Variants in ARB2A observed in about 807,000 individuals in gnomAD.
The protein encoded by ARB2A is cotranscriptional regulator ARB2A.
the ARB2A span, among the ~76,000 whole-genome samples, chr5:93,756,792 T>C: frequency 6.6e-6 from 1 of 152,024 alleles, no homozygotes; most frequent in African/African-American, 2.4e-5. Flanking sequence ...AAACCAACTC[T>C]GGTAATATGA....
the ARB2A span, among the ~76,000 whole-genome samples, chr5:93,868,435 A>G: frequency 6.6e-6 from 1 of 152,244 alleles, no homozygotes; most frequent in Admixed American, 6.5e-5. Context: ...TAATGTTTAC[A>G]TCCATTGATA....
the ARB2A span, among the ~76,000 whole-genome samples, chr5:93,816,229 A>C: frequency 6.6e-6 from 1 of 152,328 alleles, no homozygotes; most frequent in Non-Finnish European, 1.5e-5. Context: ...GAGGGCTTAC[A>C]ATGAATGATC....
the ARB2A span, among the ~76,000 whole-genome samples, chr5:93,994,774 C>T: frequency 3.3e-5 from 5 of 151,844 alleles, no homozygotes; most frequent in Admixed American, 3.3e-4. Context: ...GGTGTGGTGG[C>T]CCATGCCTGT....
the ARB2A span, among the ~76,000 whole-genome samples, chr5:93,938,257 C>G: frequency 6.6e-6 from 1 of 152,058 alleles, no homozygotes; most frequent in East Asian, 1.9e-4. Context: ...TTCAAATAAG[C>G]AAACTGCCTC....
At chr5:93,935,365 T>G in the ARB2A span, among the ~76,000 whole-genome samples, 4 of 152,150 alleles carry the variant, frequency 2.6e-5, no homozygotes, top group African/African-American at 7.2e-5. Context: ...AAGGGAATTT[T>G]GGGCAAACAG....
chr5:93,892,591 G>C, the ARB2A span, among the ~76,000 whole-genome samples: 4 of 151,882 alleles, frequency 2.6e-5, no homozygotes, highest in Admixed American at 6.6e-5. Context: ...CCTCTGGGGG[G>C]GGGAAAACCA....
At chr5:93,869,806 C>T in the ARB2A span, among the ~76,000 whole-genome samples, 1 of 152,156 alleles carries the variant, frequency 6.6e-6, no homozygotes, top group Non-Finnish European at 1.5e-5. Flanking sequence ...TTTGTGAGAT[C>T]CACCCCCTGC....
chr5:94,096,834 T>C, the ARB2A span, among the ~76,000 whole-genome samples: 1 of 152,266 alleles, frequency 6.6e-6, no homozygotes, highest in African/African-American at 2.4e-5. Flanking sequence ...AGGAGGAAGC[T>C]GGGAACTCAA....
the ARB2A span, among the ~76,000 whole-genome samples, chr5:93,800,919 A>G: frequency 3.4e-4 from 51 of 152,226 alleles, no homozygotes; most frequent in African/African-American, 1.2e-3. Flanking sequence ...AATCTTTAAT[A>G]TAGTTTTAAA....
At chr5:93,647,327 A>C in the ARB2A span, among the ~76,000 whole-genome samples, 1 of 152,058 alleles carries the variant, frequency 6.6e-6, no homozygotes, top group Non-Finnish European at 1.5e-5. Flanking sequence ...CCCGGGTTCA[A>C]GCAGTTCTCC....
the ARB2A span, among the ~76,000 whole-genome samples, chr5:93,711,509 C>T: frequency 6.6e-6 from 1 of 151,902 alleles, no homozygotes. Flanking sequence ...TGGGGATGTA[C>T]AAAAATGAAC....
the ARB2A span, among the ~76,000 whole-genome samples, chr5:93,621,479 T>C: frequency 1.3e-5 from 2 of 152,158 alleles, no homozygotes; most frequent in Non-Finnish European, 2.9e-5. Context: ...CCCGGGGTCG[T>C]CCGAGGCGCG....
At chr5:93,824,496 A>C in the ARB2A span, among the ~76,000 whole-genome samples, 1 of 152,190 alleles carries the variant, frequency 6.6e-6, no homozygotes, top group Non-Finnish European at 1.5e-5. Context: ...ATTAAAAAAA[A>C]CACTTTATTT....
At chr5:93,861,472 T>C in the ARB2A span, 1 of 152,242 alleles carries the variant, frequency 6.6e-6, no homozygotes, top group Non-Finnish European at 1.5e-5. Context: ...GCATAGTCCT[T>C]TATCATTGTT....
chr5:94,048,018 T>C, the ARB2A span, among the ~76,000 whole-genome samples: 4 of 149,978 alleles, frequency 2.7e-5, no homozygotes, highest in African/African-American at 9.8e-5. Flanking sequence ...TACCACCAGT[T>C]TGCAACATAT....
chr5:93,716,693 C>CAA, the ARB2A span, among the ~76,000 whole-genome samples: 3,053 of 36,502 alleles, frequency 0.084, 282 homozygotes, highest in African/African-American at 0.11. Flanking sequence ...ATAAGCTGTG[C>CAA]AAAAAAAAAA....
At chr5:93,707,919 A>G in the ARB2A span, among the ~76,000 whole-genome samples, 1 of 152,084 alleles carries the variant, frequency 6.6e-6, no homozygotes, top group East Asian at 1.9e-4. Flanking sequence ...TATTTGGAAG[A>G]CTTTTACTTT....
the ARB2A span, among the ~76,000 whole-genome samples, chr5:94,026,672 G>T: frequency 6.6e-6 from 1 of 152,318 alleles, no homozygotes; most frequent in Admixed American, 6.5e-5. Flanking sequence ...TCAGAGTAAA[G>T]TACGCCAAAT....
chr5:93,929,015 G>C, the ARB2A span, among the ~76,000 whole-genome samples: 2 of 150,470 alleles, frequency 1.3e-5, no homozygotes, highest in Non-Finnish European at 3.0e-5. Flanking sequence ...TACTTTTTTT[G>C]ATATTAGTCT....
Sources: allele counts gnomAD v4.1 joint callset (sites outside exome capture counted in the v4.1 genomes callset), GRCh38; gene constraint gnomAD v4.1.1; transcripts MANE v1.5; gene names NCBI Gene and HGNC (gene_info 2026-07-23, HGNC 2026-07-21).